The following CNBD1 variants were observed in gnomAD, a reference collection of about 807,000 sequenced individuals.
The protein encoded by CNBD1 is cyclic nucleotide-binding domain-containing protein 1.
Under a neutral mutation model 54.4 loss-of-function variants are expected in CNBD1, and 71 were observed. The ratio of observed to expected loss-of-function variants is 1.30; its 90% CI spans 1.08 to 1.59. CNBD1 has a LOEUF of 1.59. Ranked by LOEUF, CNBD1 falls within the 40% of genes most tolerant of loss-of-function variation. CNBD1 has a pLI of 0.00. For synonymous variants in CNBD1, 182 were observed against 170.7 expected, an observed-to-expected ratio of 1.07 and a Z score of -0.51; for missense variants, 659 against 518.0, an observed-to-expected ratio of 1.27 and a Z score of -2.64.
intron 4 of CNBD1, among the ~76,000 whole-genome samples, chr8:86,969,398 C>T (rs1334357800): frequency 6.6e-6 from 1 of 152,090 alleles, no homozygotes; most frequent in Non-Finnish European, 1.5e-5. Flanking sequence ...ATAAACACTC[C>T]TTCAGAACCT....
intron 4 of CNBD1, among the ~76,000 whole-genome samples, chr8:87,080,786 C>G (rs1202663733): frequency 6.6e-6 from 1 of 151,994 alleles, no homozygotes; most frequent in Non-Finnish European, 1.5e-5. Context: ...TTGAGTCTTT[C>G]ATTAAGTTTG....
chr8:87,412,278 C>T (rs1471159964), intron 2 of CNBD1, among the ~76,000 whole-genome samples: 1 of 151,962 alleles, frequency 6.6e-6, no homozygotes, highest in African/African-American at 2.4e-5. Flanking sequence ...ATGTGTTTTC[C>T]TTCTAAATGT....
At chr8:87,328,550 C>T (rs889503537) in intron 8 of CNBD1, among the ~76,000 whole-genome samples, 14 of 151,598 alleles carry the variant, frequency 9.2e-5, no homozygotes, top group African/African-American at 3.4e-4. Context: ...ACTATGAGGA[C>T]TTCTTCTTTT....
intron 4 of CNBD1, among the ~76,000 whole-genome samples, chr8:87,066,866 A>G (rs1260056679): frequency 1.3e-5 from 2 of 152,102 alleles, no homozygotes; most frequent in Non-Finnish European, 2.9e-5. Context: ...TTTACTTCCT[A>G]TAATTATTAC....
chr8:87,156,722 A>G (rs1035806636), intron 4 of CNBD1, among the ~76,000 whole-genome samples: 1 of 152,054 alleles, frequency 6.6e-6, no homozygotes, highest in Non-Finnish European at 1.5e-5. Context: ...TAAGCCTGCT[A>G]TGGGATTAAA....
intron 8 of CNBD1, 31 bp from the exon 9 acceptor site, chr8:87,351,654 G>T (rs891530215): frequency 3.5e-6 from 5 of 1,444,286 alleles, no homozygotes; most frequent in Middle Eastern, 3.5e-4. Flanking sequence ...AGACAAGAAT[G>T]TGTGAAATGA....
chr8:87,022,321 T>C (rs1809506277), intron 4 of CNBD1, among the ~76,000 whole-genome samples: 1 of 152,114 alleles, frequency 6.6e-6, no homozygotes, highest in Non-Finnish European at 1.5e-5. Context: ...TGCCACTGGG[T>C]TTTTTGTGGT....
chr8:87,040,996 T>A (rs931398902), intron 4 of CNBD1, among the ~76,000 whole-genome samples: 2 of 152,068 alleles, frequency 1.3e-5, no homozygotes, highest in Non-Finnish European at 2.9e-5. Context: ...GTTTTTAAAA[T>A]ACTTAAATAT....
At chr8:87,354,050 A>G (rs540264356) in intron 10 of CNBD1, among the ~76,000 whole-genome samples, 2 of 152,188 alleles carry the variant, frequency 1.3e-5, no homozygotes, top group East Asian at 3.9e-4. Flanking sequence ...GGTTTGATGC[A>G]GGGGCTGCCT....
chr8:87,291,991 T>C (rs930963630), intron 8 of CNBD1, among the ~76,000 whole-genome samples: 3 of 152,208 alleles, frequency 2.0e-5, no homozygotes, highest in African/African-American at 7.2e-5. Context: ...ACCAAAGTTA[T>C]GACTTTTTTC....
intron 2 of CNBD1, among the ~76,000 whole-genome samples, chr8:87,420,097 C>T (rs10109381): frequency 0.57 from 86,476 of 151,526 alleles, 26,303 homozygotes; most frequent in African/African-American, 0.78. Flanking sequence ...TGTTAATATA[C>T]CTTACCACAT....
chr8:86,962,914 G>C (rs573200190), intron 4 of CNBD1, among the ~76,000 whole-genome samples: 33 of 152,150 alleles, frequency 2.2e-4, no homozygotes, highest in Non-Finnish European at 4.1e-4. Flanking sequence ...TTTGACCCTG[G>C]AGTCCTGTGA....
At chr8:87,131,069 G>A (rs1456752546) in intron 4 of CNBD1, among the ~76,000 whole-genome samples, 1 of 151,100 alleles carries the variant, frequency 6.6e-6, no homozygotes, top group Non-Finnish European at 1.5e-5. Flanking sequence ...TAATCTATCT[G>A]CATTTTAAAA....
chr8:87,346,992 C>T (rs553628223), intron 8 of CNBD1, among the ~76,000 whole-genome samples: 1 of 152,124 alleles, frequency 6.6e-6, no homozygotes, highest in East Asian at 1.9e-4. Flanking sequence ...GAAAATATCT[C>T]CAGGAGCTCT....
intron 5 of CNBD1, 61 bp downstream of exon 5, chr8:87,206,199 T>G: frequency 1.6e-6 from 2 of 1,289,392 alleles, no homozygotes; most frequent in Non-Finnish European, 2.1e-6. Context: ...TTTCGAGTTC[T>G]TTATCATTAT....
chr8:87,222,799 C>G (rs1381936250), intron 5 of CNBD1, among the ~76,000 whole-genome samples: 2 of 152,014 alleles, frequency 1.3e-5, no homozygotes, highest in Non-Finnish European at 2.9e-5. Flanking sequence ...ATTTTTAATT[C>G]TTTTTAATGC....
intron 8 of CNBD1, among the ~76,000 whole-genome samples, chr8:87,312,955 A>G (rs1380138989): frequency 6.6e-6 from 1 of 151,974 alleles, no homozygotes; most frequent in Non-Finnish European, 1.5e-5. Context: ...GTATTCAACG[A>G]TATATTGTTC....
intron 8 of CNBD1, among the ~76,000 whole-genome samples, chr8:87,294,895 A>G (rs1808853257): frequency 6.6e-6 from 1 of 152,024 alleles, no homozygotes; most frequent in Admixed American, 6.6e-5. Flanking sequence ...TGTTTTCTAA[A>G]TAATATTTAT....
intron 4 of CNBD1, among the ~76,000 whole-genome samples, chr8:87,061,795 T>C (rs777823883): frequency 1.6e-4 from 24 of 152,208 alleles, no homozygotes; most frequent in Non-Finnish European, 3.2e-4. Flanking sequence ...TTTTCCCCAA[T>C]ATTAATAGTT....
Sources: allele counts gnomAD v4.1 joint callset (sites outside exome capture counted in the v4.1 genomes callset), GRCh38; gene constraint gnomAD v4.1.1; transcripts MANE v1.5; gene names NCBI Gene and HGNC (gene_info 2026-07-23, HGNC 2026-07-21).